WDR27: variants seen among roughly 807,000 people sequenced by gnomAD.
WDR27 encodes WD repeat-containing protein 27.
WDR27 carries 100 observed loss-of-function variants against 114.4 expected under a neutral mutation model. That is an observed-to-expected ratio of 0.87 (90% CI 0.74 to 1.03). The LOEUF (loss-of-function observed/expected upper bound fraction) is 1.03, where lower values mean the gene tolerates loss of function less well. Ranked by LOEUF, WDR27 falls within the 50% of genes least tolerant of loss-of-function variation. WDR27 has a pLI of 0.00. For missense variants in WDR27, 1,129 were observed against 1,092.9 expected (o/e 1.03, Z -0.47); for synonymous variants, 449 against 423.1 (o/e 1.06, Z -0.75).
intron 23 of WDR27, among the ~76,000 whole-genome samples, chr6:169,583,483 A>G (rs199527257): frequency 0.51 from 34,442 of 67,982 alleles, 5,226 homozygotes; most frequent in East Asian, 0.73. Context: ...GTGTGTGTAT[A>G]TATACATATA....
intron 18 of WDR27, among the ~76,000 whole-genome samples, chr6:169,637,430 T>A (rs1460974212): frequency 6.6e-6 from 1 of 152,246 alleles, no homozygotes; most frequent in African/African-American, 2.4e-5. Context: ...ATGTGGCAAG[T>A]GTGTAAGTGT....
rs1270150951 is a variant in WDR27, at chr6:169,647,956, TC to T, written c.1560-87del. On this transcript the variant is annotated intron_variant, in intron 15 of 25. Coordinates refer to ENST00000448612, the MANE Select transcript of WDR27 (RefSeq NM_182552.5). Reference sequence around the variant, plus strand: ...ACATAAGCAAGAAACGAAGTGGGCTTCCCCCCATCTACATGTATAATCGTAT... The same window carrying T: ...ACATAAGCAAGAAACGAAGTGGGCTTCCCCCATCTACATGTATAATCGTAT... The T allele has an allele frequency of 3.0e-5, 26 of 880,432 alleles. No homozygotes were observed. In the Admixed American group the frequency reaches 6.6e-4, roughly 22 times the overall value. 54.5% of individuals were successfully genotyped at this position (880,432 alleles called of 1,614,324 possible).
intron 25 of WDR27, among the ~76,000 whole-genome samples, chr6:169,515,067 TG>T (rs972175774): frequency 6.6e-6 from 1 of 152,054 alleles, no homozygotes; most frequent in Non-Finnish European, 1.5e-5. Flanking sequence ...CACTAATTGT[TG>T]GTAAGTATGT....
chr6:169,531,465 A>G (rs1795583961), intron 25 of WDR27, among the ~76,000 whole-genome samples: 1 of 152,188 alleles, frequency 6.6e-6, no homozygotes, highest in African/African-American at 2.4e-5. Flanking sequence ...GTAACTTGTC[A>G]AATACTTCCT....
At chr6:169,615,195 G>A (rs1458638285) in intron 21 of WDR27, among the ~76,000 whole-genome samples, 1 of 152,030 alleles carries the variant, frequency 6.6e-6, no homozygotes, top group Non-Finnish European at 1.5e-5. Flanking sequence ...GATAATATTA[G>A]GCTGGATTTC....
chr6:169,482,590 C>T (rs1788329762), intron 25 of WDR27, among the ~76,000 whole-genome samples: 2 of 152,164 alleles, frequency 1.3e-5, no homozygotes, highest in South Asian at 4.1e-4. Flanking sequence ...CAGTGGGAGA[C>T]TTCAACACCC....
chr6:169,584,507 C>T (rs1423857314), intron 23 of WDR27, among the ~76,000 whole-genome samples: 2 of 152,188 alleles, frequency 1.3e-5, no homozygotes, highest in Non-Finnish European at 2.9e-5. Flanking sequence ...GATGGCTGCA[C>T]CAACCTACAT....
intron 9 of WDR27, among the ~76,000 whole-genome samples, chr6:169,661,549 C>T (rs1826115268): frequency 6.6e-6 from 1 of 152,218 alleles, no homozygotes; most frequent in African/African-American, 2.4e-5. Context: ...CCACGGTTCA[C>T]CCAACGACCA....
rs2128322446 is a variant in WDR27 at position 169,684,786 on chromosome 6, T to TG, written c.189+4030dup. 6.6e-6 allele frequency among the ~76,000 whole-genome samples: 1 copy of TG among 152,292 alleles called. No homozygotes were observed. The highest frequency in any genetic ancestry group is 2.1e-4 in the South Asian group (1 of 4,822). ...GCCCGCAGCCAGCTGAGCAGCCTTGTGCCTACGTCCAATGCTGGAGAAACA... is the reference window on the plus strand; with the variant it reads ...GCCCGCAGCCAGCTGAGCAGCCTTGTGGCCTACGTCCAATGCTGGAGAAACA... On this transcript the variant is annotated intron_variant, in intron 2 of 25. Transcript: ENST00000448612. This position sits in a 1 kb window ranked among gnomAD's most constrained non-coding sequence, Gnocchi z 4.3.
At chr6:169,556,790 G>T (rs1798958530) in intron 25 of WDR27, among the ~76,000 whole-genome samples, 1 of 152,108 alleles carries the variant, frequency 6.6e-6, no homozygotes, top group Non-Finnish European at 1.5e-5. Flanking sequence ...TTAAAAATGG[G>T]CATATAAGTA....
At chr6:169,620,433 C>T (rs34684939) in intron 21 of WDR27, among the ~76,000 whole-genome samples, 26 of 152,036 alleles carry the variant, frequency 1.7e-4, no homozygotes, top group African/African-American at 4.8e-4. Flanking sequence ...GAAACAAATG[C>T]GTATCTCATT....
At chr6:169,586,847 C>CAAAAAAAAAAAAAAAAAAAAAAAAAAA (rs3029697) in intron 23 of WDR27, among the ~76,000 whole-genome samples, 1 of 32,058 alleles carries the variant, frequency 3.1e-5, no homozygotes, top group African/African-American at 1.2e-4. Flanking sequence ...GACTCTGTCT[C>CAAAAAAAAAAAAAAAAAAAAAAAAAAA]AAAAAAAAAA....
At chr6:169,475,281 C>T (rs6918111) in intron 25 of WDR27, among the ~76,000 whole-genome samples, 2,674 of 152,276 alleles carry the variant, frequency 0.018, 72 homozygotes, top group African/African-American at 0.061. Context: ...AGTGCAGTGG[C>T]GCAATCCTGG....
At chr6:169,435,503 C>T in the WDR27 span, among the ~76,000 whole-genome samples, 5 of 152,350 alleles carry the variant, frequency 3.3e-5, no homozygotes, top group East Asian at 1.9e-4. Flanking sequence ...CTGCTCAAGG[C>T]TGTGGGAGTC....
intron 7 of WDR27, chr6:169,664,771 T>C (rs1167559787): frequency 2.0e-6 from 2 of 994,490 alleles, no homozygotes; most frequent in Non-Finnish European, 2.4e-6. Context: ...AAGGCTCACC[T>C]AAAAAATGTT....
At chr6:169,512,701 CT>C (rs1301921744) in intron 25 of WDR27, among the ~76,000 whole-genome samples, 1 of 152,102 alleles carries the variant, frequency 6.6e-6, no homozygotes, top group Non-Finnish European at 1.5e-5. Context: ...GCAATAGAAA[CT>C]TTGTCTAGTT....
intron 25 of WDR27, among the ~76,000 whole-genome samples, chr6:169,570,255 C>T (rs1801166299): frequency 6.6e-6 from 1 of 152,160 alleles, no homozygotes; most frequent in Non-Finnish European, 1.5e-5. Context: ...TAGCTGACAA[C>T]TTAACTTTCA....
At chr6:169,668,451 C>A (rs1024907294) in intron 4 of WDR27, among the ~76,000 whole-genome samples, 2 of 152,200 alleles carry the variant, frequency 1.3e-5, no homozygotes, top group African/African-American at 4.8e-5. Flanking sequence ...ACTGCTCTGC[C>A]TTCCCAATCC....
At chr6:169,449,442 G>C in the WDR27 span, among the ~76,000 whole-genome samples, 1 of 152,154 alleles carries the variant, frequency 6.6e-6, no homozygotes. Context: ...CTTTCACATA[G>C]TGCAGCAGAC....
Sources: gnomAD v4.1 joint callset for allele counts (sites outside exome capture counted in the v4.1 genomes callset) on GRCh38, gnomAD v4.1.1 for gene constraint, Gnocchi (gnomAD v3.1) non-coding constraint, MANE v1.5 for transcripts, NCBI Gene and HGNC (gene_info 2026-07-23, HGNC 2026-07-21) for gene names.